NOL10: variants seen among roughly 807,000 people sequenced by gnomAD.
NOL10 encodes the protein nucleolar protein 10.
A neutral mutation model predicts 103.5 loss-of-function variants in NOL10; 58 were observed. That is an observed-to-expected ratio of 0.56 (90% CI 0.45 to 0.70). The LOEUF (loss-of-function observed/expected upper bound fraction) is 0.70, where lower values mean the gene tolerates loss of function less well. Among genes scored for constraint, NOL10 ranks in the 30% least tolerant of loss-of-function variants. The pLI is 0.00. For missense variants in NOL10, 763 were observed against 807.3 expected (o/e 0.95, Z 0.67); for synonymous variants, 287 against 282.5 (o/e 1.02, Z -0.16).
intron 13 of NOL10, among the ~76,000 whole-genome samples, chr2:10,617,930 A>G (rs923639395): frequency 6.6e-6 from 1 of 152,024 alleles, no homozygotes; most frequent in African/African-American, 2.4e-5. Flanking sequence ...GGGCTGGGAG[A>G]GGGAGGAGAA....
chr2:10,630,709 T>G (rs149539232), intron 13 of NOL10, among the ~76,000 whole-genome samples: 1 of 152,130 alleles, frequency 6.6e-6, no homozygotes, highest in East Asian at 1.9e-4. Context: ...AGCAAGACAC[T>G]GTCTCAGGAA....
intron 11 of NOL10, among the ~76,000 whole-genome samples, chr2:10,656,812 A>G (rs182239622): frequency 2.6e-5 from 4 of 152,346 alleles, no homozygotes; most frequent in Admixed American, 2.6e-4. Context: ...GTTTCTAATG[A>G]ATTAAATGCA....
intron 13 of NOL10, among the ~76,000 whole-genome samples, chr2:10,633,009 G>A (rs1189176518): frequency 6.6e-6 from 1 of 152,028 alleles, no homozygotes; most frequent in Non-Finnish European, 1.5e-5. Flanking sequence ...ATCTCTATAT[G>A]AGAATCATGA....
At chr2:10,590,870 G>A (rs928307876) in intron 17 of NOL10, 1 of 152,148 alleles carries the variant, frequency 6.6e-6, no homozygotes, top group Non-Finnish European at 1.5e-5. Context: ...CAGATGAAAC[G>A]GCTTACTCAG....
intron 13 of NOL10, among the ~76,000 whole-genome samples, chr2:10,622,482 G>A (rs74906361): frequency 0.024 from 1,703 of 71,530 alleles, 24 homozygotes; most frequent in Non-Finnish European, 0.03. Context: ...TAGTTAGAGC[G>A]TTTTTCAAAA....
Position 10,589,304 on chromosome 2 carries a change from T to C in NOL10, c.1597-14A>G. On this transcript the variant is annotated splice_polypyrimidine_tract_variant and intron_variant, in intron 18 of 20. Coordinates refer to ENST00000381685, the MANE Select transcript of NOL10 (RefSeq NM_024894.4). ...TTCCTCCTCTTCCTGAGAATAAAAA[T>C]AGTAAGCAGCAACTCCTTTCCCCCA... The C allele has an allele frequency of 6.2e-7, 1 of 1,612,196 alleles. No individual in the cohort carries two copies. Among genetic ancestry groups the C allele is most frequent in the South Asian group, 1.1e-5 (1 of 91,018 alleles).
intron 13 of NOL10, among the ~76,000 whole-genome samples, chr2:10,631,622 G>A (rs1677850022): frequency 6.6e-6 from 1 of 152,118 alleles, no homozygotes; most frequent in Non-Finnish European, 1.5e-5. Flanking sequence ...ATTCTCAGAT[G>A]TGGCTGACAA....
chr2:10,616,263 C>G (rs1676831163), intron 13 of NOL10, among the ~76,000 whole-genome samples: 1 of 134,700 alleles, frequency 7.4e-6, no homozygotes, highest in South Asian at 2.7e-4. Context: ...GAGTCTTGCT[C>G]TGTCACCCAG....
intron 13 of NOL10, among the ~76,000 whole-genome samples, chr2:10,615,528 C>T (rs936167363): frequency 1.4e-4 from 21 of 152,306 alleles, no homozygotes; most frequent in Admixed American, 2.0e-4. Context: ...TGTTAAGAAA[C>T]ACAGAGAGCT....
chr2:10,661,961 C>T (rs1334021828), intron 9 of NOL10, among the ~76,000 whole-genome samples: 2 of 151,940 alleles, frequency 1.3e-5, no homozygotes, highest in African/African-American at 4.8e-5. Context: ...AGCCTTCTTC[C>T]TATGACTATG....
At chr2:10,587,488 C>T (rs1006949930) in intron 19 of NOL10, among the ~76,000 whole-genome samples, 5 of 142,058 alleles carry the variant, frequency 3.5e-5, no homozygotes, top group Non-Finnish European at 7.8e-5. Context: ...CCAGGATGGT[C>T]TCCATCTCCT....
rs1383218954 is a variant in NOL10 at position 10,572,104 on chromosome 2, C to A, written c.2034G>T (p.Lys678Asn). 6.2e-7 allele frequency: 1 copy of A among 1,613,890 alleles called. No individual in the cohort carries two copies. Among genetic ancestry groups the A allele is most frequent in the Non-Finnish European group, 8.5e-7 (1 of 1,179,922 alleles). ...ACGACCGTCCTCTTTTGTGTCTTGA[C>A]TTCAGGTGTCCGGCCGAACGACGGA... ...KRLRRSAGHL[K>N]SRHKRGRSFH Residue 678 changes from lysine to asparagine, a missense_variant, in exon 21 of 21, where the codon AAG becomes AAT. Transcript: ENST00000381685.
In NOL10 at chr2:10,572,016, A is replaced by G; in HGVS notation, c.*55T>C. ...GTCTGTGTTTAACACCCTAACGATG[A>G]TCAGTTTGGGGGAGACGTACCCCTC... On this transcript the variant is annotated 3_prime_UTR_variant, in exon 21 of 21. Transcript: ENST00000381685. 1 of 1,595,522 alleles carries G rather than the reference A, an allele frequency of 6.3e-7. No homozygotes were observed. Among genetic ancestry groups the G allele is most frequent in the Non-Finnish European group, 8.6e-7 (1 of 1,166,056 alleles).
intron 12 of NOL10, 93 bp from the exon 13 acceptor site, chr2:10,644,465 C>T (rs1678922740): frequency 1.2e-6 from 1 of 851,718 alleles, no homozygotes; most frequent in African/African-American, 1.8e-5. Flanking sequence ...TGAGGAACTT[C>T]TGTTAGTCAG....
At chr2:10,624,968 A>G (rs1677368828) in intron 13 of NOL10, among the ~76,000 whole-genome samples, 3 of 152,248 alleles carry the variant, frequency 2.0e-5, no homozygotes, top group Admixed American at 6.5e-5. Flanking sequence ...TCATGCCACA[A>G]ACAGACATGG....
intron 15 of NOL10, 53 bp from the exon 16 acceptor site, chr2:10,602,927 C>G: frequency 7.4e-7 from 1 of 1,351,564 alleles, no homozygotes; most frequent in Non-Finnish European, 1.0e-6. Flanking sequence ...TTGGTAATAT[C>G]ATTTTCATAT....
At chr2:10,650,123 A>T (rs571774633) in intron 12 of NOL10, among the ~76,000 whole-genome samples, 95 of 152,334 alleles carry the variant, frequency 6.2e-4, no homozygotes, top group African/African-American at 2.2e-3. Context: ...AACTATTAAA[A>T]TCACTGTGCT....
In NOL10 at chr2:10,654,492, T is replaced by C. The variant is rs200890328; in HGVS notation, c.962A>G (p.Tyr321Cys). Reference protein sequence around the residue: ...PEHDLNDVCLYPNSGMLLTAN... With the variant: ...PEHDLNDVCLCPNSGMLLTAN... ...TACAGAATGCATACCTGAGTTGGGGTAGAGACAAACATCATTAAGGTCATG... is the reference window on the plus strand; with the variant it reads ...TACAGAATGCATACCTGAGTTGGGGCAGAGACAAACATCATTAAGGTCATG... The change falls in exon 12 of 21, where the codon TAC (tyrosine) becomes TGC (cysteine). Residue 321 changes from tyrosine to cysteine, a missense_variant. By Grantham distance (194) the Tyr-to-Cys change is radical (BLOSUM62 -2). Transcript: ENST00000381685. 544 of 1,599,062 alleles carry C rather than the reference T, an allele frequency of 3.4e-4. 2 individuals carry two copies. Among genetic ancestry groups the C allele is most frequent in the South Asian group, 7.1e-4 (62 of 87,542 alleles).
chr2:10,596,253 TGGTGG>T lies in NOL10; in HGVS notation c.1422+4595_1422+4599del, dbSNP rs1558278129. Among the ~76,000 whole-genome samples, 3 of 17,812 alleles carry T rather than the reference TGGTGG, an allele frequency of 1.7e-4. 1 individual carries two copies. Among genetic ancestry groups the T allele is most frequent in the East Asian group, 5.7e-3 (2 of 350 alleles). The allele number at this position is 17,812 out of a possible 152,430, so 11.7% of individuals were successfully genotyped here. On this transcript the variant is annotated intron_variant, in intron 17 of 20. Transcript: ENST00000381685. ...CGGAAGACAAGTTTTCCACAGATGG[TGGTGG>T]GGGGCGGGGGGCGGGCGCGAGGGAG...
Sources: gnomAD v4.1 joint callset for allele counts (sites outside exome capture counted in the v4.1 genomes callset) on GRCh38, gnomAD v4.1.1 for gene constraint, MANE v1.5 for transcripts, NCBI Gene and HGNC (gene_info 2026-07-23, HGNC 2026-07-21) for gene names.